Variants in ZFHX3 observed in about 807,000 individuals in gnomAD.
ZFHX3 encodes the protein zinc finger homeobox 3, also known as zinc finger homeobox protein 3.
Under a neutral mutation model 279.1 loss-of-function variants are expected in ZFHX3, and 42 were observed. The observed-to-expected ratio is 0.15, with a 90% confidence interval of 0.12 to 0.19. The LOEUF (loss-of-function observed/expected upper bound fraction) is 0.19, where lower values mean the gene tolerates loss of function less well. ZFHX3 is among the 10% of genes least tolerant of loss of function. The probability of loss-of-function intolerance (pLI) is 1.00; values close to 1 mark genes in which losing one functional copy is unlikely to be tolerated. For missense variants in ZFHX3, 4,981 were observed against 4,754.0 expected (o/e 1.05, Z -1.40); for synonymous variants, 2,293 against 1,957.8 (o/e 1.17, Z -4.52).
chr16:73,702,952 G>C (rs981965949), intron 1 of ZFHX3, among the ~76,000 whole-genome samples: 1 of 152,128 alleles, frequency 6.6e-6, no homozygotes, highest in African/African-American at 2.4e-5. Flanking sequence ...TATAATTATG[G>C]AAGGAACACT....
chr16:73,363,386 G>A lies in ZFHX3; in HGVS notation c.-1290-45050C>T, dbSNP rs568381751. ...CCAAATTCTATTGACTTGTTTAGCC[G>A]ACATCATTTCAATACTGCGATCTAT... On this transcript the variant is annotated intron_variant, in intron 3 of 17. Transcript: ENST00000641206. Among the ~76,000 whole-genome samples, 30 of 152,252 alleles carry A rather than the reference G, an allele frequency of 2.0e-4. No homozygotes were observed. The East Asian group carries it at 5.0e-3, about 25-fold the overall frequency.
rs750921377 is a variant in ZFHX3, at chr16:72,958,677, C to CCCTCGTCTTCCTCCT, written c.1454_1468dup (p.Glu485_Glu489dup). The CCCTCGTCTTCCTCCT allele has an allele frequency of 2.5e-6, 4 of 1,611,070 alleles. No individual in the cohort carries two copies. The highest frequency in any genetic ancestry group is 1.3e-5 in the African/African-American group (1 of 74,804). On this transcript the variant is annotated inframe_insertion, in exon 2 of 10. Coordinates refer to ENST00000268489, the MANE Select transcript of ZFHX3 (RefSeq NM_006885.4). ...CTCGCTTGGAAAGAGTCCTTTGCAA[C>CCCTCGTCTTCCTCCT]CCTCGTCTTCCTCCTCCTCTTCTTC...
chr16:73,647,810 T>C (rs994855781), intron 2 of ZFHX3, among the ~76,000 whole-genome samples: 1 of 152,154 alleles, frequency 6.6e-6, no homozygotes, highest in Non-Finnish European at 1.5e-5. Context: ...AATGTATCTA[T>C]TATACACATA....
intron 5 of ZFHX3, among the ~76,000 whole-genome samples, chr16:73,214,588 T>C (rs971974969): frequency 6.6e-6 from 1 of 152,150 alleles, no homozygotes; most frequent in African/African-American, 2.4e-5. Context: ...TGACCCTTGA[T>C]TCATGGTGTT....
intron 7 of ZFHX3, among the ~76,000 whole-genome samples, chr16:72,802,372 G>A (rs914048559): frequency 2.0e-5 from 3 of 152,068 alleles, no homozygotes; most frequent in Admixed American, 6.5e-5. Flanking sequence ...AGTAAGCAGC[G>A]GTTCTTTGTC....
At chr16:73,052,327 G>T (rs958580742), upstream of ZFHX3, among the ~76,000 whole-genome samples, 3 of 150,042 alleles carry the variant, frequency 2.0e-5, no homozygotes, top group Middle Eastern at 0.01. Flanking sequence ...CAACAACCAG[G>T]GTTGGAGTTT....
chr16:73,846,469 C>T (rs1393359851), intron 1 of ZFHX3, among the ~76,000 whole-genome samples: 1 of 152,156 alleles, frequency 6.6e-6, no homozygotes, highest in East Asian at 1.9e-4. Flanking sequence ...CAAGCTGTGA[C>T]TCTGTTTAAC....
intron 4 of ZFHX3, among the ~76,000 whole-genome samples, chr16:73,295,708 G>A (rs1047221041): frequency 1.6e-4 from 24 of 152,330 alleles, no homozygotes; most frequent in African/African-American, 4.8e-4. Context: ...AAGGGAGTGG[G>A]GGCCTGGGCT....
intron 1 of ZFHX3, among the ~76,000 whole-genome samples, chr16:73,875,291 A>G (rs141608231): frequency 0.019 from 2,840 of 152,252 alleles, 64 homozygotes; most frequent in African/African-American, 0.058. Flanking sequence ...ATGATACATC[A>G]TGATTTCCCA....
intron 1 of ZFHX3, among the ~76,000 whole-genome samples, chr16:73,872,348 C>T (rs1450410351): frequency 6.6e-6 from 1 of 152,064 alleles, no homozygotes; most frequent in Non-Finnish European, 1.5e-5. Flanking sequence ...CTCTTAGCCT[C>T]CCCAGTAGCT....
In ZFHX3 at chr16:72,796,551, G is replaced by T. The variant is rs1295764638; in HGVS notation, c.6131C>A (p.Pro2044His). The T allele has an allele frequency of 6.2e-7, 1 of 1,610,582 alleles. No individual in the cohort carries two copies. Reference protein sequence around the residue: ...PQTPEPPPPPPPPPPPPLPAA... With the variant: ...PQTPEPPPPPHPPPPPPLPAA... ...CGGAAGTGGGGGTGGAGGGGGTGGA[G>T]GGGGAGGTGGTGGTGGCTCTGGGGT... Residue 2044 changes from proline (P) to histidine (H), a missense_variant, in exon 9 of 10, where the codon CCT becomes CAT. By Grantham distance (77) the Pro-to-His change is moderately conservative. This residue lies in a region of ZFHX3 where 1,751 missense variants were observed against 1,770.0 expected (regional missense o/e 0.99). Transcript: ENST00000268489.
intron 4 of ZFHX3, among the ~76,000 whole-genome samples, chr16:73,313,412 C>T (rs1567447695): frequency 6.6e-6 from 1 of 152,184 alleles, no homozygotes; most frequent in Non-Finnish European, 1.5e-5. Context: ...GCTGTAAACG[C>T]TCGTATAGTA....
chr16:73,330,456 T>A (rs2015780118), intron 3 of ZFHX3, among the ~76,000 whole-genome samples: 1 of 152,164 alleles, frequency 6.6e-6, no homozygotes, highest in Admixed American at 6.5e-5. Context: ...TTCATGCATG[T>A]GCTGCAAGAC....
intron 3 of ZFHX3, among the ~76,000 whole-genome samples, chr16:73,354,435 G>C (rs1056758354): frequency 4.6e-5 from 7 of 152,212 alleles, no homozygotes; most frequent in Non-Finnish European, 4.4e-5. Context: ...TGCCCGAGTA[G>C]AATCTCAGGC....
intron 1 of ZFHX3, among the ~76,000 whole-genome samples, chr16:73,801,318 A>G (rs1168378136): frequency 6.6e-6 from 1 of 152,208 alleles, no homozygotes; most frequent in Non-Finnish European, 1.5e-5. Flanking sequence ...CCCCTAACAC[A>G]GGGAATGACC....
chr16:72,889,529 A>G (rs1447139003), intron 4 of ZFHX3, among the ~76,000 whole-genome samples: 4 of 152,160 alleles, frequency 2.6e-5, no homozygotes, highest in East Asian at 1.9e-4. Flanking sequence ...AAAGAAAAGA[A>G]AAGAAAAAAA....
At chr16:72,829,698 C>T in intron 5 of ZFHX3, 81 bp downstream of exon 5, 1 of 1,507,086 alleles carries the variant, frequency 6.6e-7, no homozygotes, top group East Asian at 2.3e-5. Context: ...TTGTTAGCTC[C>T]ATTCTTCCAG....
intron 5 of ZFHX3, among the ~76,000 whole-genome samples, chr16:73,238,957 C>T (rs1287539969): frequency 6.6e-6 from 1 of 152,134 alleles, no homozygotes. Context: ...TTACGTGCTA[C>T]TGCAAGACCC....
Position 72,988,113 on chromosome 16 carries a change from C to T in ZFHX3, c.-49-27919G>A, listed in dbSNP as rs1428621318. On this transcript the variant is annotated intron_variant, in intron 1 of 9. Coordinates refer to ENST00000268489, the MANE Select transcript of ZFHX3 (RefSeq NM_006885.4). ...AATATGGTCCACACTTGGAAACCCG[C>T]CCAACAGGGCCAGTCGAGCCTGCAT... 3.3e-5 allele frequency among the ~76,000 whole-genome samples: 5 copies of T among 152,326 alleles called. No homozygotes were observed. The East Asian group carries it at 9.6e-4, about 29-fold the overall frequency.
Sources: gnomAD v4.1 joint callset for allele counts (sites outside exome capture counted in the v4.1 genomes callset) on GRCh38, gnomAD v4.1.1 for gene constraint, gnomAD v4.1.1 regional missense constraint, MANE v1.5 for transcripts, NCBI Gene and HGNC (gene_info 2026-07-23, HGNC 2026-07-21) for gene names.